The following TNS3 variants were observed in gnomAD, a reference collection of about 807,000 sequenced individuals.
TNS3 encodes the protein tensin-3.
A neutral mutation model predicts 140.9 loss-of-function variants in TNS3; 45 were observed. The ratio of observed to expected loss-of-function variants is 0.32; its 90% CI spans 0.25 to 0.41. The LOEUF is 0.41. Among genes scored for constraint, TNS3 ranks in the 10% least tolerant of loss-of-function variants. TNS3 has a pLI of 1.00. For synonymous variants in TNS3, 815 were observed against 788.4 expected (o/e 1.03, Z -0.56); for missense variants, 1,716 against 1,906.7 (o/e 0.90, Z 1.86).
At chr7:47,555,973 C>T (rs1353710173) in intron 1 of TNS3, among the ~76,000 whole-genome samples, 1 of 152,206 alleles carries the variant, frequency 6.6e-6, no homozygotes, top group Non-Finnish European at 1.5e-5. Context: ...ATTACATGCA[C>T]ATAGACACAT....
chr7:47,414,994 C>T, intron 11 of TNS3, 100 bp downstream of exon 11: 1 of 861,474 alleles, frequency 1.2e-6, no homozygotes. Flanking sequence ...CCTGGGCCCT[C>T]TCGGAAGGAA....
intron 4 of TNS3, among the ~76,000 whole-genome samples, chr7:47,477,565 G>A (rs1045725559): frequency 6.6e-6 from 1 of 152,180 alleles, no homozygotes; most frequent in African/African-American, 2.4e-5. Context: ...CAGCAGGTGA[G>A]GGAGGGCAGG....
intron 1 of TNS3, among the ~76,000 whole-genome samples, chr7:47,548,850 C>G (rs1584846262): frequency 6.6e-6 from 1 of 152,298 alleles, no homozygotes; most frequent in East Asian, 1.9e-4. Context: ...CACTTCAACC[C>G]TCCAAATAAG....
chr7:47,454,691 C>A (rs905987838), intron 4 of TNS3, among the ~76,000 whole-genome samples: 1 of 152,068 alleles, frequency 6.6e-6, no homozygotes, highest in African/African-American at 2.4e-5. Flanking sequence ...GAAAACAGGC[C>A]GAGCCCTAGA....
intron 4 of TNS3, among the ~76,000 whole-genome samples, chr7:47,478,746 T>C (rs1040953720): frequency 1.3e-5 from 2 of 152,110 alleles, no homozygotes; most frequent in Non-Finnish European, 2.9e-5. Context: ...CATGTATGTA[T>C]TCATGTGTTG....
Position 47,395,719 on chromosome 7 carries a change from G to A in TNS3, c.1024+1081C>T, listed in dbSNP as rs78179308. 3.3e-3 allele frequency among the ~76,000 whole-genome samples: 499 copies of A among 152,240 alleles called. 2 individuals are homozygous for A. The highest frequency in any genetic ancestry group is 3.3e-3 in the Non-Finnish European group (223 of 68,004). ...TACAGGCCAGAGCAAAGCTCTCCCC[G>A]TCCACAACTTGCCCACTAGCCCCAG... On this transcript the variant is annotated intron_variant, in intron 16 of 30. Coordinates refer to ENST00000311160, the MANE Select transcript of TNS3 (RefSeq NM_022748.12).
At chr7:47,480,644 C>G (rs991703406) in intron 4 of TNS3, among the ~76,000 whole-genome samples, 6 of 151,254 alleles carry the variant, frequency 4.0e-5, no homozygotes, top group African/African-American at 1.5e-4. Context: ...ATTGTGTTTA[C>G]CTTCAATCTG....
intron 1 of TNS3, among the ~76,000 whole-genome samples, chr7:47,534,981 G>T (rs978793611): frequency 1.3e-5 from 2 of 152,172 alleles, no homozygotes; most frequent in Non-Finnish European, 2.9e-5. Context: ...GACAAGAGTA[G>T]CATTCAAACA....
chr7:47,384,287 G>C (rs1053602099), intron 16 of TNS3, among the ~76,000 whole-genome samples: 4 of 152,144 alleles, frequency 2.6e-5, no homozygotes, highest in Non-Finnish European at 4.4e-5. Flanking sequence ...CTAGAGGCCG[G>C]GAAGGGGCAG....
chr7:47,390,898 T>A (rs1792474173), intron 16 of TNS3, among the ~76,000 whole-genome samples: 2 of 152,146 alleles, frequency 1.3e-5, no homozygotes, highest in Admixed American at 6.5e-5. Flanking sequence ...CTCTCCTTCC[T>A]CTCCAGACTC....
chr7:47,313,565 T>A (rs1787226873), intron 20 of TNS3, among the ~76,000 whole-genome samples: 2 of 152,194 alleles, frequency 1.3e-5, no homozygotes. Context: ...GAGGAGCACA[T>A]ACCCAGCACA....
chr7:47,466,387 C>T (rs1242330928), intron 4 of TNS3, among the ~76,000 whole-genome samples: 3 of 152,170 alleles, frequency 2.0e-5, no homozygotes, highest in Non-Finnish European at 4.4e-5. Context: ...CTCAGATGAT[C>T]CGCCTGCCTT....
rs1268800812 is a variant in TNS3 at position 47,303,573 on chromosome 7, G to A, written c.2834C>T (p.Ala945Val). Residue 945 changes from alanine (A) to valine (V), a missense_variant, in exon 22 of 31, where the codon GCA becomes GTA. By Grantham distance (64) the Ala-to-Val change is moderately conservative. Coordinates refer to ENST00000311160, the MANE Select transcript of TNS3 (RefSeq NM_022748.12). ...GCTGCTCTCCACCCACTGGCGTTCT[G>A]CAGAAGAGGAGCTGTTCAAAAGACA... is the stretch of plus-strand genomic sequence containing the variant. ...PGQRRESSSS[A>V]ERQWVESSPK... 2 of 1,593,394 alleles carry A rather than the reference G, an allele frequency of 1.3e-6. No homozygotes were observed. Among genetic ancestry groups the A allele is most frequent in the East Asian group, 2.3e-5 (1 of 44,418 alleles).
chr7:47,312,629 G>A (rs970284495), intron 20 of TNS3, among the ~76,000 whole-genome samples: 1 of 151,834 alleles, frequency 6.6e-6, no homozygotes, highest in Non-Finnish European at 1.5e-5. Flanking sequence ...CTTGAACCTG[G>A]GAGGCAGAGG....
At chr7:47,448,495 TTTGA>T (rs1562756211) in intron 4 of TNS3, among the ~76,000 whole-genome samples, 1 of 120,854 alleles carries the variant, frequency 8.3e-6, no homozygotes, top group Non-Finnish European at 1.9e-5. Context: ...TTTTTTTTTT[TTTGA>T]GACAGAGTCT....
rs59429950 is a variant in TNS3 at position 47,411,448 on chromosome 7, G to A, written c.723+279C>T. 5.5e-3 allele frequency among the ~76,000 whole-genome samples: 832 copies of A among 152,210 alleles called. 11 individuals are homozygous for A. The highest frequency in any genetic ancestry group is 0.041 in the East Asian group (213 of 5,164). On this transcript the variant is annotated intron_variant, in intron 13 of 30. Coordinates refer to ENST00000311160, the MANE Select transcript of TNS3 (RefSeq NM_022748.12). ...GCATACACAGTTCACAATAGGGTTCGCACTCTTATAAGAATCTCATGGCGC... is the reference window on the plus strand; with the variant it reads ...GCATACACAGTTCACAATAGGGTTCACACTCTTATAAGAATCTCATGGCGC...
intron 20 of TNS3, 108 bp from the exon 21 acceptor site, chr7:47,305,111 T>C (rs1786669314): frequency 1.1e-6 from 1 of 926,626 alleles, no homozygotes; most frequent in Non-Finnish European, 1.4e-6. Flanking sequence ...ACTTTGAGGC[T>C]TTCTGTCATC....
chr7:47,405,658 C>A, intron 13 of TNS3: 1 of 691,332 alleles, frequency 1.4e-6, no homozygotes, highest in South Asian at 1.5e-5. Context: ...CCAGCCCAGT[C>A]TAAAAGGGAG....
In TNS3 at chr7:47,422,682, G is replaced by A. The variant is rs541078452; in HGVS notation, c.473+1419C>T. On this transcript the variant is annotated intron_variant, in intron 10 of 30. Transcript: ENST00000311160. ...CCCCCTTTTTCCATATTCTTTTAAT[G>A]TTATAAACAAGCTGCTGGTGCCGTA... Among the ~76,000 whole-genome samples the A allele has an allele frequency of 5.9e-5, 9 of 151,978 alleles. No individual in the cohort carries two copies. The South Asian group carries it at 1.9e-3, about 32-fold the overall frequency.
Sources: gnomAD v4.1 joint callset for allele counts (sites outside exome capture counted in the v4.1 genomes callset) on GRCh38, gnomAD v4.1.1 for gene constraint, MANE v1.5 for transcripts, NCBI Gene and HGNC (gene_info 2026-07-23, HGNC 2026-07-21) for gene names.